TBC1D32: variants seen among roughly 807,000 people sequenced by gnomAD.
TBC1D32 encodes the protein protein broad-minded.
In TBC1D32, 151 loss-of-function variants were observed where a neutral mutation model predicts 170.3. That is an observed-to-expected ratio of 0.89 (90% confidence interval 0.78 to 1.01). TBC1D32 has a LOEUF of 1.01. Ranked by LOEUF, TBC1D32 falls within the 50% of genes least tolerant of loss-of-function variation. TBC1D32 has a pLI of 0.00. For missense variants in TBC1D32, 1,464 were observed against 1,457.1 expected, an observed-to-expected ratio of 1.00 and a Z score of -0.08; for synonymous variants, 498 against 488.0, an observed-to-expected ratio of 1.02 and a Z score of -0.27.
In TBC1D32 at chr6:121,090,873, C is replaced by T. The variant is rs746846120; in HGVS notation, c.3634G>A (p.Asp1212Asn). 1 of 1,610,076 alleles carries T rather than the reference C, an allele frequency of 6.2e-7. No homozygotes were observed. Among genetic ancestry groups the T allele is most frequent in the African/African-American group, 1.3e-5 (1 of 74,670 alleles). ...QDILQHTQTQ[D>N]LQVFLKEEAL... ...CTTACTTTTAGGAAAACTTGCAGAT[C>T]TTGAGTCTGAGTGTGCTGTAGAATG... The change falls in exon 31 of 32, where the codon GAT (aspartate) becomes AAT (asparagine). Residue 1212 changes from aspartate to asparagine, a missense_variant. Physicochemically the swap from Asp to Asn is conservative, Grantham distance 23. This residue lies in a region of TBC1D32 where 97 missense variants were observed against 102.0 expected (regional missense o/e 0.95). Transcript: ENST00000398212.
intron 12 of TBC1D32, among the ~76,000 whole-genome samples, chr6:121,286,078 C>T (rs973606913): frequency 1.3e-5 from 2 of 152,134 alleles, no homozygotes; most frequent in South Asian, 2.1e-4. Flanking sequence ...AAAATCAGAG[C>T]GCCTCTCCTC....
intron 22 of TBC1D32, among the ~76,000 whole-genome samples, chr6:121,199,428 T>C (rs889790130): frequency 1.2e-4 from 18 of 151,274 alleles, no homozygotes; most frequent in Non-Finnish European, 2.5e-4. Context: ...AATATGAGCA[T>C]AATAGGGTTA....
At chr6:121,172,909 T>C (rs891073702) in intron 22 of TBC1D32, among the ~76,000 whole-genome samples, 1 of 152,214 alleles carries the variant, frequency 6.6e-6, no homozygotes, top group African/African-American at 2.4e-5. Context: ...AATTATAATC[T>C]TTTTGTTGCC....
At chr6:121,315,419 T>C (rs1808785735) in intron 3 of TBC1D32, among the ~76,000 whole-genome samples, 1 of 152,174 alleles carries the variant, frequency 6.6e-6, no homozygotes, top group African/African-American at 2.4e-5. Flanking sequence ...TGCTCACAAC[T>C]ATGGTAATAA....
intron 21 of TBC1D32, among the ~76,000 whole-genome samples, chr6:121,212,766 C>T (rs1472618521): frequency 1.3e-5 from 2 of 152,040 alleles, no homozygotes; most frequent in African/African-American, 4.8e-5. Context: ...CAGCCCAGGC[C>T]AATATCTTTG....
chr6:121,265,377 T>A (rs1053207304), intron 15 of TBC1D32, among the ~76,000 whole-genome samples: 7 of 151,858 alleles, frequency 4.6e-5, no homozygotes, highest in African/African-American at 1.7e-4. Flanking sequence ...CTCTTCAAAG[T>A]GAACTATAAG....
intron 21 of TBC1D32, among the ~76,000 whole-genome samples, chr6:121,214,287 G>A (rs1793530813): frequency 6.6e-6 from 1 of 152,220 alleles, no homozygotes; most frequent in South Asian, 2.1e-4. Flanking sequence ...TGTGTGGCCT[G>A]TGGCACCTTT....
At chr6:121,292,252 T>C (rs1261403253) in intron 11 of TBC1D32, 59 bp from the exon 12 acceptor site, 13 of 1,485,294 alleles carry the variant, frequency 8.8e-6, no homozygotes, top group Non-Finnish European at 1.2e-5. Flanking sequence ...ACAGTACCTG[T>C]CTTCATTCCC....
chr6:121,243,435 T>G (rs1797224954), intron 17 of TBC1D32, among the ~76,000 whole-genome samples: 1 of 152,036 alleles, frequency 6.6e-6, no homozygotes, highest in South Asian at 2.1e-4. Context: ...TCCAATAGGA[T>G]GTTCACAAAA....
chr6:121,312,135 T>C (rs540235941), intron 3 of TBC1D32, among the ~76,000 whole-genome samples: 50 of 151,558 alleles, frequency 3.3e-4, no homozygotes, highest in Non-Finnish European at 4.1e-4. Flanking sequence ...TAAGTGGGAG[T>C]TGAACAATGA....
At chr6:121,090,460 A>G (rs143325902) in intron 31 of TBC1D32, among the ~76,000 whole-genome samples, 66 of 152,338 alleles carry the variant, frequency 4.3e-4, no homozygotes, top group Non-Finnish European at 7.5e-4. Flanking sequence ...TTTTATAAAA[A>G]TGGAAGTTTA....
intron 22 of TBC1D32, among the ~76,000 whole-genome samples, chr6:121,182,915 T>C (rs1788716096): frequency 6.6e-6 from 1 of 152,070 alleles, no homozygotes; most frequent in African/African-American, 2.4e-5. Context: ...TTTAATGGTG[T>C]ATTTTTAGAT....
chr6:121,178,929 C>T lies in TBC1D32; in HGVS notation c.2571-17873G>A, dbSNP rs189807878. 7.9e-5 allele frequency among the ~76,000 whole-genome samples: 12 copies of T among 152,284 alleles called. No individual in the cohort carries two copies. In the Middle Eastern group the frequency reaches 0.014, roughly 173 times the overall value. On this transcript the variant is annotated intron_variant, in intron 22 of 31. Transcript: ENST00000398212. ...CTTTCTCGAGTTTCACATGAGACCA[C>T]GGCCACAGCCAACATCTTGATTTCA...
chr6:121,085,226 T>C (rs1165711581), intron 31 of TBC1D32, among the ~76,000 whole-genome samples: 1 of 146,902 alleles, frequency 6.8e-6, no homozygotes, highest in African/African-American at 2.5e-5. Context: ...TATACACATA[T>C]ATATATACAC....
At chr6:121,204,591 T>C (rs1791992357) in intron 22 of TBC1D32, among the ~76,000 whole-genome samples, 1 of 151,370 alleles carries the variant, frequency 6.6e-6, no homozygotes, top group Non-Finnish European at 1.5e-5. Context: ...ATTTCCCATT[T>C]GAACATGGAA....
chr6:121,194,273 G>C (rs9375009), intron 22 of TBC1D32, among the ~76,000 whole-genome samples: 103,476 of 152,016 alleles, frequency 0.68, 40,586 homozygotes, highest in Non-Finnish European at 0.87. Context: ...CTGGCAGAAT[G>C]CCCACATTGA....
At chr6:121,217,126 T>C (rs1473659718) in intron 21 of TBC1D32, among the ~76,000 whole-genome samples, 7 of 152,218 alleles carry the variant, frequency 4.6e-5, no homozygotes, top group Non-Finnish European at 8.8e-5. Context: ...TACTGGATTA[T>C]CCTAAGCTTA....
chr6:121,085,232 TACAC>T (rs1252514743), intron 31 of TBC1D32, among the ~76,000 whole-genome samples: 1 of 138,600 alleles, frequency 7.2e-6, no homozygotes, highest in Non-Finnish European at 1.5e-5. Flanking sequence ...CATATATATA[TACAC>T]ATATACATAC....
At chr6:121,116,062 C>T (rs558990496) in intron 26 of TBC1D32, among the ~76,000 whole-genome samples, 1 of 152,162 alleles carries the variant, frequency 6.6e-6, no homozygotes, top group East Asian at 1.9e-4. Flanking sequence ...TGCATACATA[C>T]ACACAAACAC....
Sources: allele counts gnomAD v4.1 joint callset (sites outside exome capture counted in the v4.1 genomes callset), GRCh38; gene constraint gnomAD v4.1.1; regional missense constraint gnomAD v4.1.1; transcripts MANE v1.5; gene names NCBI Gene and HGNC (gene_info 2026-07-23, HGNC 2026-07-21).